TCTN2: variants seen among roughly 807,000 people sequenced by gnomAD.
The protein encoded by TCTN2 is tectonic family member 2.
A neutral mutation model predicts 83.4 loss-of-function variants in TCTN2; 66 were observed. The ratio of observed to expected loss-of-function variants is 0.79; its 90% CI spans 0.65 to 0.97. The LOEUF is 0.97. Among genes scored for constraint, TCTN2 ranks in the 50% least tolerant of loss-of-function variants. TCTN2 has a pLI of 0.00. For missense variants in TCTN2, 794 were observed against 858.1 expected, an observed-to-expected ratio of 0.93 and a Z score of 0.93; for synonymous variants, 301 against 326.7, an observed-to-expected ratio of 0.92 and a Z score of 0.85.
intron 14 of TCTN2, among the ~76,000 whole-genome samples, chr12:123,704,037 T>G (rs1390015937): frequency 2.9e-5 from 4 of 135,964 alleles, no homozygotes; most frequent in Non-Finnish European, 6.2e-5. Context: ...AGACAGAGTC[T>G]CCCTCTGTCG....
At position 123,671,166 on chromosome 12, in the gene TCTN2, G is replaced by GT; in HGVS notation, c.-71dup. 1 of 1,423,570 alleles carries GT rather than the reference G, an allele frequency of 7.0e-7. No individual in the cohort carries two copies. The highest frequency in any genetic ancestry group is 1.9e-5 in the Admixed American group (1 of 51,680). The allele number at this position is 1,423,570 out of a possible 1,614,324, so 88.2% of individuals were successfully genotyped here. A position where few individuals can be genotyped will look rare whatever the true frequency, so the allele number is the denominator to read the frequency against. On this transcript the variant is annotated 5_prime_UTR_variant, in exon 1 of 18. The change abolishes the stop of an existing upstream ORF in the 5' untranslated region. Coordinates refer to ENST00000303372, the MANE Select transcript of TCTN2 (RefSeq NM_024809.5). ...GCGGCGGCGGGGCAGTGGCTGCTGCGTTTTCGTGTCTGAGTCCTTCCTGGG... is the reference window on the plus strand; with the variant it reads ...GCGGCGGCGGGGCAGTGGCTGCTGCGTTTTTCGTGTCTGAGTCCTTCCTGGG...
In TCTN2 at chr12:123,671,561, T is replaced by G. The variant is rs1204085108; in HGVS notation, c.137T>G (p.Val46Gly). 6.2e-7 allele frequency: 1 copy of G among 1,614,002 alleles called. No individual in the cohort carries two copies. ...MSGPAVSASL[V>G]GDTEGVTVSL... ...GGCCCTGCGGTCAGCGCGTCCCTGG[T>G]CGGAGACACCGAGGGTGTGACCGTG... Residue 46 changes from valine to glycine, a missense_variant, in exon 2 of 18, where the codon GTC becomes GGC. Physicochemically the swap from Val to Gly is moderately radical, Grantham distance 109. Transcript: ENST00000303372.
intron 7 of TCTN2, among the ~76,000 whole-genome samples, chr12:123,688,619 G>A (rs1262977251): frequency 1.3e-5 from 2 of 151,554 alleles, no homozygotes; most frequent in African/African-American, 4.9e-5. Context: ...TACCTTTCAG[G>A]GACTTAACTG....
chr12:123,689,086 T>C (rs1956011625), intron 7 of TCTN2, among the ~76,000 whole-genome samples: 1 of 151,428 alleles, frequency 6.6e-6, no homozygotes. Flanking sequence ...GTTTGAGACA[T>C]AGTCTTGCTC....
chr12:123,701,036 G>A (rs1956166757), intron 14 of TCTN2, among the ~76,000 whole-genome samples: 1 of 152,194 alleles, frequency 6.6e-6, no homozygotes. Flanking sequence ...TTGCATTGCT[G>A]TTTTTGATTG....
chr12:123,692,549 C>A, intron 8 of TCTN2, 109 bp from the exon 9 acceptor site: 1 of 868,372 alleles, frequency 1.2e-6, no homozygotes, highest in Non-Finnish European at 1.9e-6. Context: ...AGTCAGCACC[C>A]TGGGCAGTTG....
At chr12:123,679,133 C>A in intron 4 of TCTN2, 56 bp from the exon 5 acceptor site, 1 of 1,458,308 alleles carries the variant, frequency 6.9e-7, no homozygotes, top group Non-Finnish European at 9.6e-7. Flanking sequence ...AAAAATGTGA[C>A]TGTGCTTTGT....
rs1956220947 is a variant in TCTN2, at chr12:123,705,755, C to T, written c.1770-971C>T. On this transcript the variant is annotated intron_variant, in intron 15 of 17. Coordinates refer to ENST00000303372, the MANE Select transcript of TCTN2 (RefSeq NM_024809.5). ...CCCTTTCCTCCTCTTTCCTTTCTTT[C>T]TTTCTTTTTTTTTTTTTTGAGACGG... Among the ~76,000 whole-genome samples, 4 of 132,308 alleles carry T rather than the reference C, an allele frequency of 3.0e-5. No individual in the cohort carries two copies. The South Asian group carries it at 9.5e-4, about 31-fold the overall frequency. The allele number at this position is 132,308 out of a possible 152,430, so 86.8% of individuals were successfully genotyped here.
Position 123,695,076 on chromosome 12 carries a change from C to T in TCTN2, c.1234+100C>T. ...TTATAACCCATAAAACTAAGTTGGA[C>T]TTGTTTCTTATGTGCATTTATGATT... On this transcript the variant is annotated intron_variant, in intron 10 of 17. Transcript: ENST00000303372. 4 of 1,518,870 alleles carry T rather than the reference C, an allele frequency of 2.6e-6. 1 individual carries two copies. Among genetic ancestry groups the T allele is most frequent in the Non-Finnish European group, 9.1e-7 (1 of 1,104,904 alleles). The allele number at this position is 1,518,870 out of a possible 1,614,324, so 94.1% of individuals were successfully genotyped here. A position where few individuals can be genotyped will look rare whatever the true frequency, so the allele number is the denominator to read the frequency against.
At chr12:123,692,430 TTTTG>T (rs746850335) in intron 8 of TCTN2, among the ~76,000 whole-genome samples, 172 of 152,286 alleles carry the variant, frequency 1.1e-3, no homozygotes, top group Non-Finnish European at 9.3e-4. Flanking sequence ...TGACCCTGGT[TTTTG>T]TTTGTTTGTG....
chr12:123,690,386 G>A, intron 7 of TCTN2, 147 bp from the exon 8 acceptor site: 1 of 1,049,306 alleles, frequency 9.5e-7, no homozygotes, highest in Non-Finnish European at 1.4e-6. Context: ...TGCTAAAGCG[G>A]GTCAACTAGT....
At position 123,697,210 on chromosome 12, in the gene TCTN2, A is replaced by G. The variant is rs1179038667; in HGVS notation, c.1505+12A>G. On this transcript the variant is annotated intron_variant, in intron 13 of 17. Coordinates refer to ENST00000303372, the MANE Select transcript of TCTN2 (RefSeq NM_024809.5). ...TGTACTCAGCTCAGGTGAGTGTTTC[A>G]TTGATGAATATATCGGCAATGTGAA... 1.3e-6 allele frequency: 2 copies of G among 1,549,820 alleles called. No homozygotes were observed. Among genetic ancestry groups the G allele is most frequent in the Admixed American group, 1.7e-5 (1 of 59,898 alleles).
intron 12 of TCTN2, chr12:123,696,761 A>G: frequency 1.9e-6 from 1 of 538,364 alleles, no homozygotes; most frequent in East Asian, 3.3e-5. Flanking sequence ...GTCCCATGTT[A>G]TTGTTGCCTG....
intron 11 of TCTN2, 127 bp downstream of exon 11, chr12:123,695,424 C>A: frequency 1.3e-6 from 1 of 756,000 alleles, no homozygotes; most frequent in Non-Finnish European, 2.3e-6. Context: ...TCTTTATTTT[C>A]TCTTTTTCTT....
At chr12:123,680,666 G>C (rs7969964) in intron 5 of TCTN2, among the ~76,000 whole-genome samples, 4 of 150,616 alleles carry the variant, frequency 2.7e-5, no homozygotes, top group Non-Finnish European at 4.4e-5. Context: ...ACAGGTGTGC[G>C]CCACCACACC....
At chr12:123,680,641 C>T (rs1049547679) in intron 5 of TCTN2, among the ~76,000 whole-genome samples, 1 of 151,212 alleles carries the variant, frequency 6.6e-6, no homozygotes, top group East Asian at 2.0e-4. Context: ...CTCAGCCTCC[C>T]GAGTAACTGG....
At chr12:123,701,133 T>C (rs1164791729) in intron 14 of TCTN2, among the ~76,000 whole-genome samples, 2 of 152,166 alleles carry the variant, frequency 1.3e-5, no homozygotes, top group East Asian at 1.9e-4. Context: ...ATTGAAAATA[T>C]TGTGATAGAA....
rs750080715 is a variant in TCTN2, at chr12:123,671,221, C to T, written c.-20C>T. 8 of 1,607,234 alleles carry T rather than the reference C, an allele frequency of 5.0e-6. No individual in the cohort carries two copies. The highest frequency in any genetic ancestry group is 6.8e-6 in the Non-Finnish European group (8 of 1,177,296). ...AATGAGGGCGCGGTTCTGCTGTGCC[C>T]GGCCCGCGAGGTCTAAGGCATGGGC... On this transcript the variant is annotated 5_prime_UTR_variant, in exon 1 of 18. Transcript: ENST00000303372.
At position 123,679,177 on chromosome 12, in the gene TCTN2, T is replaced by C; in HGVS notation, c.464-12T>C. On this transcript the variant is annotated splice_polypyrimidine_tract_variant and intron_variant, in intron 4 of 17. Coordinates refer to ENST00000303372, the MANE Select transcript of TCTN2 (RefSeq NM_024809.5). Reference sequence around the variant, plus strand: ...TTCTTAGCTGAATTTTTCTGTTGTGTGTACTTTTCAGAGAACGTGACTGTC... The same window carrying C: ...TTCTTAGCTGAATTTTTCTGTTGTGCGTACTTTTCAGAGAACGTGACTGTC... The C allele has an allele frequency of 6.2e-7, 1 of 1,605,226 alleles. No individual in the cohort carries two copies. The highest frequency in any genetic ancestry group is 8.5e-7 in the Non-Finnish European group (1 of 1,171,958).
Sources: allele counts gnomAD v4.1 joint callset (sites outside exome capture counted in the v4.1 genomes callset), GRCh38; gene constraint gnomAD v4.1.1; transcripts MANE v1.5; gene names NCBI Gene and HGNC (gene_info 2026-07-23, HGNC 2026-07-21).